Variants in FOXN3 observed in about 807,000 individuals in gnomAD.
The protein encoded by FOXN3 is forkhead box N3, also known as forkhead box protein N3.
In FOXN3, 7 loss-of-function variants were observed where a neutral mutation model predicts 38.4. The observed-to-expected ratio is 0.18, with a 90% confidence interval of 0.10 to 0.34. The LOEUF (loss-of-function observed/expected upper bound fraction) is 0.34, where lower values mean the gene tolerates loss of function less well. FOXN3 is among the 10% of genes least tolerant of loss of function. The pLI is 1.00. For missense variants in FOXN3, 456 were observed against 613.4 expected (o/e 0.74, Z 2.71); for synonymous variants, 230 against 242.2 (o/e 0.95, Z 0.47).
chr14:89,432,381 T>C (rs1892177322), intron 1 of FOXN3, among the ~76,000 whole-genome samples: 2 of 151,884 alleles, frequency 1.3e-5, no homozygotes, highest in East Asian at 1.9e-4. Context: ...ACAACAGGAG[T>C]CAAAACAATG....
At chr14:89,458,745 A>G (rs1187625209) in intron 1 of FOXN3, among the ~76,000 whole-genome samples, 1 of 152,110 alleles carries the variant, frequency 6.6e-6, no homozygotes, top group Non-Finnish European at 1.5e-5. Flanking sequence ...TGCTGGTTCC[A>G]TGTGAGCCTC....
chr14:89,183,607 A>T (rs1256751160), intron 4 of FOXN3, among the ~76,000 whole-genome samples: 1 of 152,154 alleles, frequency 6.6e-6, no homozygotes, highest in Non-Finnish European at 1.5e-5. Context: ...TCCTGTAGGA[A>T]GTGTCAACTA....
intron 4 of FOXN3, among the ~76,000 whole-genome samples, chr14:89,207,036 C>A (rs563313529): frequency 6.6e-6 from 1 of 152,034 alleles, no homozygotes; most frequent in Non-Finnish European, 1.5e-5. Flanking sequence ...GTAGCAGTAG[C>A]GGCAAGAGAA....
At chr14:89,432,492 A>G (rs1232694947) in intron 1 of FOXN3, among the ~76,000 whole-genome samples, 2 of 152,220 alleles carry the variant, frequency 1.3e-5, no homozygotes, top group Admixed American at 1.3e-4. Flanking sequence ...CTTTACCTGC[A>G]TTATTTATTC....
intron 1 of FOXN3, among the ~76,000 whole-genome samples, chr14:89,518,498 C>A (rs1282333033): frequency 6.6e-6 from 1 of 152,206 alleles, no homozygotes; most frequent in Non-Finnish European, 1.5e-5. Context: ...GAATGGGAAA[C>A]AAGTTAGACA....
rs1389675158 is a variant in FOXN3 at position 89,508,482 on chromosome 14, T to C, written c.-14-95992A>G. The stretch of plus-strand genomic sequence containing the variant: ...CAGTCTACACCACCCCAGAGAGAGA[T>C]TGGTCTGATGGATGGGGAAAGCGGT... On this transcript the variant is annotated intron_variant, in intron 1 of 6. Transcript: ENST00000345097. Among the ~76,000 whole-genome samples, 8 of 152,028 alleles carry C rather than the reference T, an allele frequency of 5.3e-5. 1 individual carries two copies. The East Asian group carries it at 1.2e-3, about 22-fold the overall frequency.
intron 3 of FOXN3, among the ~76,000 whole-genome samples, chr14:89,295,368 C>G (rs1389541050): frequency 6.6e-6 from 1 of 152,210 alleles, no homozygotes; most frequent in Non-Finnish European, 1.5e-5. Context: ...TCTTCCCATT[C>G]TAACGCCTTA....
At position 89,266,047 on chromosome 14, in the gene FOXN3, C is replaced by T. The variant is rs552950423; in HGVS notation, c.745+14903G>A. Among the ~76,000 whole-genome samples the T allele has an allele frequency of 2.6e-5, 4 of 152,242 alleles. No individual in the cohort carries two copies. The East Asian group carries it at 7.7e-4, about 29-fold the overall frequency. ...AACCTTGGGATCTTCCCAAACTGCC[C>T]TTAGCAGCCAAAGTTGACCCCTACA... On this transcript the variant is annotated intron_variant, in intron 4 of 5. Coordinates refer to ENST00000557258, the MANE Select transcript of FOXN3 (RefSeq NM_005197.4).
chr14:89,326,089 C>A (rs562602206), intron 3 of FOXN3, among the ~76,000 whole-genome samples: 42 of 152,322 alleles, frequency 2.8e-4, no homozygotes, highest in African/African-American at 9.1e-4. Flanking sequence ...CATGCGTTCT[C>A]ATTCAACAAA....
At chr14:89,588,372 C>A (rs1895887029) in intron 1 of FOXN3, among the ~76,000 whole-genome samples, 1 of 151,726 alleles carries the variant, frequency 6.6e-6, no homozygotes, top group Non-Finnish European at 1.5e-5. Flanking sequence ...CAAGAATCAC[C>A]TAATATAGGA....
At chr14:89,309,375 G>A (rs1325472853) in intron 3 of FOXN3, among the ~76,000 whole-genome samples, 1 of 152,166 alleles carries the variant, frequency 6.6e-6, no homozygotes, top group Non-Finnish European at 1.5e-5. Context: ...CACTCACTGG[G>A]CAGGCGCAGA....
chr14:89,473,818 G>A (rs1893157110), intron 1 of FOXN3, among the ~76,000 whole-genome samples: 1 of 152,026 alleles, frequency 6.6e-6, no homozygotes, highest in Admixed American at 6.6e-5. Context: ...ACCCACTAGA[G>A]CCAAGTTCAA....
At chr14:89,416,074 G>C (rs1003618368) in intron 1 of FOXN3, among the ~76,000 whole-genome samples, 1 of 152,164 alleles carries the variant, frequency 6.6e-6, no homozygotes, top group African/African-American at 2.4e-5. Context: ...AATCTTCCCA[G>C]AGCCGAGCAG....
chr14:89,477,421 T>G (rs1304609583), intron 1 of FOXN3, among the ~76,000 whole-genome samples: 1 of 152,188 alleles, frequency 6.6e-6, no homozygotes, highest in African/African-American at 2.4e-5. Flanking sequence ...AAAAAAGAAA[T>G]CAACACTTTC....
chr14:89,187,036 G>A (rs1167002814), intron 4 of FOXN3, among the ~76,000 whole-genome samples: 1 of 152,210 alleles, frequency 6.6e-6, no homozygotes, highest in East Asian at 1.9e-4. Context: ...TACCTTTACA[G>A]ATGCTGAGCA....
At chr14:89,183,377 A>G (rs1887722701) in intron 4 of FOXN3, among the ~76,000 whole-genome samples, 1 of 152,206 alleles carries the variant, frequency 6.6e-6, no homozygotes, top group African/African-American at 2.4e-5. Context: ...ACACTCCCAT[A>G]TACAGTCACT....
At chr14:89,455,162 T>C (rs1892694737) in intron 1 of FOXN3, among the ~76,000 whole-genome samples, 3 of 152,174 alleles carry the variant, frequency 2.0e-5, no homozygotes, top group Admixed American at 2.0e-4. Context: ...ATGAGAATCA[T>C]CTCCAATGTT....
intron 1 of FOXN3, among the ~76,000 whole-genome samples, chr14:89,616,307 G>C (rs1259286770): frequency 6.6e-6 from 1 of 151,968 alleles, no homozygotes; most frequent in Non-Finnish European, 1.5e-5. Flanking sequence ...TTTGATACTG[G>C]GAACGTCTCA....
chr14:89,270,243 A>C (rs556576383), intron 4 of FOXN3, among the ~76,000 whole-genome samples: 1 of 152,220 alleles, frequency 6.6e-6, no homozygotes, highest in Non-Finnish European at 1.5e-5. Context: ...GGAGCTTCAG[A>C]GAGACTGAAA....
Sources: gnomAD v4.1 joint callset for allele counts (sites outside exome capture counted in the v4.1 genomes callset) on GRCh38, gnomAD v4.1.1 for gene constraint, MANE v1.5 for transcripts, NCBI Gene and HGNC (gene_info 2026-07-23, HGNC 2026-07-21) for gene names.